The following NPLOC4 variants were observed in gnomAD, a reference collection of about 807,000 sequenced individuals.
NPLOC4 encodes nuclear protein localization protein 4 homolog.
In NPLOC4, 18 loss-of-function variants were observed where a neutral mutation model predicts 80.6. The observed-to-expected ratio is 0.22, with a 90% CI of 0.15 to 0.33. The LOEUF (loss-of-function observed/expected upper bound fraction) is 0.33, where lower values mean the gene tolerates loss of function less well. Ranked by LOEUF, NPLOC4 falls within the 10% of genes least tolerant of loss-of-function variation. The pLI is 1.00. For missense variants in NPLOC4, 540 were observed against 786.1 expected, an observed-to-expected ratio of 0.69 and a Z score of 3.74; for synonymous variants, 313 against 301.5, an observed-to-expected ratio of 1.04 and a Z score of -0.39.
In NPLOC4 at chr17:81,636,911, C is replaced by A; in HGVS notation, c.15+5G>T. 7.1e-7 allele frequency: 1 copy of A among 1,406,366 alleles called. No homozygotes were observed. Among genetic ancestry groups the A allele is most frequent in the South Asian group, 1.5e-5 (1 of 65,690 alleles). 87.1% of individuals were successfully genotyped at this position (1,406,366 alleles called of 1,614,324 possible). A position where few individuals can be genotyped will look rare whatever the true frequency, so the allele number is the denominator to read the frequency against. ...TCCCCGCTCCCGCCCGGCCGCCGCA[C>A]TCACGATGCTCTCGGCCATGGCGGC... On this transcript the variant is annotated splice_donor_5th_base_variant and intron_variant, in intron 1 of 16. Coordinates refer to ENST00000331134, the MANE Select transcript of NPLOC4 (RefSeq NM_017921.4).
intron 8 of NPLOC4, 23 bp from the exon 9 acceptor site, chr17:81,600,450 G>A: frequency 1.9e-6 from 3 of 1,585,044 alleles, no homozygotes; most frequent in Non-Finnish European, 2.6e-6. Context: ...AAAGGGAGAA[G>A]ATGGACTTAG....
intron 9 of NPLOC4, among the ~76,000 whole-genome samples, chr17:81,597,956 G>C (rs1386392604): frequency 1.3e-5 from 2 of 151,032 alleles, no homozygotes; most frequent in Non-Finnish European, 3.0e-5. Context: ...TTAGCCGGGC[G>C]TGGTGGCGGG....
At chr17:81,620,738 G>T (rs367982123) in intron 3 of NPLOC4, among the ~76,000 whole-genome samples, 1 of 152,114 alleles carries the variant, frequency 6.6e-6, no homozygotes, top group Admixed American at 6.6e-5. Context: ...CAAGAGCAGC[G>T]GGACAAGCGT....
intron 12 of NPLOC4, among the ~76,000 whole-genome samples, chr17:81,581,862 C>T (rs112556803): frequency 2.9e-4 from 44 of 152,298 alleles, no homozygotes; most frequent in Middle Eastern, 3.4e-3. Context: ...AAGAGCATCC[C>T]GAAAGCAGAG....
chr17:81,635,961 G>A (rs1598703503), intron 1 of NPLOC4, among the ~76,000 whole-genome samples: 1 of 151,888 alleles, frequency 6.6e-6, no homozygotes, highest in African/African-American at 2.4e-5. Flanking sequence ...ACGTTAAGGA[G>A]GAGTGTGTGA....
Position 81,626,044 on chromosome 17 carries a change from G to T in NPLOC4, c.96+3681C>A, listed in dbSNP as rs373652080. 4.6e-5 allele frequency among the ~76,000 whole-genome samples: 7 copies of T among 151,968 alleles called. No homozygotes were observed. The South Asian group carries it at 1.5e-3, about 32-fold the overall frequency. On this transcript the variant is annotated intron_variant, in intron 2 of 16. Coordinates refer to ENST00000331134, the MANE Select transcript of NPLOC4 (RefSeq NM_017921.4). ...CACCCCTGTAATCCCAGCTACTCAGGAGGCTGAAACAGGAGAATCGCTTGA... is the reference window on the plus strand; with the variant it reads ...CACCCCTGTAATCCCAGCTACTCAGTAGGCTGAAACAGGAGAATCGCTTGA...
At chr17:81,619,553 G>GA (rs34176297) in intron 3 of NPLOC4, among the ~76,000 whole-genome samples, 56,873 of 106,664 alleles carry the variant, frequency 0.53, 13,466 homozygotes, top group East Asian at 0.79. Flanking sequence ...TCTGTCTCAA[G>GA]AAAAAAAAAA....
chr17:81,630,408 C>T (rs910528324), intron 1 of NPLOC4, among the ~76,000 whole-genome samples: 2 of 152,074 alleles, frequency 1.3e-5, no homozygotes, highest in African/African-American at 4.8e-5. Flanking sequence ...TGACCTCAGC[C>T]TCCCGAGAGC....
At position 81,567,361 on chromosome 17, in the gene NPLOC4, G is replaced by A. The variant is rs956104587; in HGVS notation, c.1566+56C>T. 2.3e-5 allele frequency: 24 copies of A among 1,044,750 alleles called. No homozygotes were observed. The highest frequency in any genetic ancestry group is 6.6e-5 in the South Asian group (5 of 75,216). 64.7% of individuals were successfully genotyped at this position (1,044,750 alleles called of 1,614,324 possible). ...GGAGGAAAGAAAGCAAGACACAGGC[G>A]TCTCTTTGCAGCCAAAGCCCACTTG... On this transcript the variant is annotated intron_variant, in intron 15 of 16. Coordinates refer to ENST00000331134, the MANE Select transcript of NPLOC4 (RefSeq NM_017921.4). This position sits in a 1 kb window ranked among gnomAD's most constrained non-coding sequence, Gnocchi z 4.5.
intron 4 of NPLOC4, chr17:81,612,982 C>T (rs563257000): frequency 2.1e-5 from 4 of 191,812 alleles, no homozygotes; most frequent in South Asian, 2.3e-4. Flanking sequence ...CCACTCTGCA[C>T]GGGAATCAGC....
At chr17:81,620,138 A>G (rs1472442701) in intron 3 of NPLOC4, among the ~76,000 whole-genome samples, 2 of 152,222 alleles carry the variant, frequency 1.3e-5, no homozygotes, top group Non-Finnish European at 2.9e-5. Context: ...ACAAGAAGTA[A>G]GACATACAAA....
rs534209020 is a variant in NPLOC4, at chr17:81,627,756, G to A, written c.96+1969C>T. ...ACACTCCAGCCTGGGCAACAAGAGC[G>A]AAACTCTGTCTCAAAAAACAAAAAC... On this transcript the variant is annotated intron_variant, in intron 2 of 16. Coordinates refer to ENST00000331134, the MANE Select transcript of NPLOC4 (RefSeq NM_017921.4). Among the ~76,000 whole-genome samples, 7 of 151,440 alleles carry A rather than the reference G, an allele frequency of 4.6e-5. No individual in the cohort carries two copies. In the Middle Eastern group the frequency reaches 0.01, roughly 221 times the overall value.
At chr17:81,593,365 C>T (rs1415660954) in intron 11 of NPLOC4, among the ~76,000 whole-genome samples, 1 of 152,080 alleles carries the variant, frequency 6.6e-6, no homozygotes, top group Non-Finnish European at 1.5e-5. Flanking sequence ...CTTGCCCACA[C>T]AGGCCAGTAC....
intron 1 of NPLOC4, among the ~76,000 whole-genome samples, chr17:81,632,596 G>A (rs1453685194): frequency 6.6e-6 from 1 of 152,076 alleles, no homozygotes; most frequent in East Asian, 1.9e-4. Flanking sequence ...TTACAGGTGT[G>A]CACCACCACA....
At chr17:81,608,372 G>T (rs7406756) in intron 6 of NPLOC4, among the ~76,000 whole-genome samples, 2 of 152,178 alleles carry the variant, frequency 1.3e-5, no homozygotes, top group African/African-American at 2.4e-5. Flanking sequence ...CTGTGGCCAC[G>T]CAGCCAGGCG....
At chr17:81,611,671 T>A (rs545670336) in intron 4 of NPLOC4, among the ~76,000 whole-genome samples, 1 of 151,784 alleles carries the variant, frequency 6.6e-6, no homozygotes, top group South Asian at 2.1e-4. Context: ...AAGAAAAGTG[T>A]TAAATAGGCC....
Position 81,596,166 on chromosome 17 carries a change from A to G in NPLOC4, c.1070T>C (p.Leu357Pro). 1.2e-6 allele frequency: 2 copies of G among 1,613,992 alleles called. No individual in the cohort carries two copies. Among genetic ancestry groups the G allele is most frequent in the Non-Finnish European group, 1.7e-6 (2 of 1,179,894 alleles). Residue 357 changes from leucine (L) to proline (P), a missense_variant, in exon 11 of 17, where the codon CTC becomes CCC. Physicochemically the swap from Leu to Pro is moderately conservative, Grantham distance 98. Coordinates refer to ENST00000331134, the MANE Select transcript of NPLOC4 (RefSeq NM_017921.4). ...FQNKHPNMCR[L>P]SPDGHFGSKF... Reference sequence around the variant, plus strand: ...GGATCCAAAATGTCCGTCTGGAGAGAGCCGGCACATGTTGGGATGCTTGTT... The same window carrying G: ...GGATCCAAAATGTCCGTCTGGAGAGGGCCGGCACATGTTGGGATGCTTGTT...
Position 81,559,345 on chromosome 17 carries a change from C to T in NPLOC4, c.1741G>A (p.Ala581Thr). Residue 581 changes from alanine to threonine, a missense_variant, in exon 17 of 17, where the codon GCA (alanine) becomes ACA (threonine). Physicochemically the swap from Ala to Thr is moderately conservative, Grantham distance 58. Around this residue, in one of 6 missense-constraint regions of NPLOC4, gnomAD observed 87 missense variants for 70.3 expected, o/e 1.24. Coordinates refer to ENST00000331134, the MANE Select transcript of NPLOC4 (RefSeq NM_017921.4). ...CAGTGCTGACAGGCCCACATGGCTG[C>T]AGTGGCCGTGTGTGTGGAGCCCCCG... ...AVGGSTHTAT[A>T]AMWACQHCTF... 6.2e-7 allele frequency: 1 copy of T among 1,607,182 alleles called. No homozygotes were observed. Among genetic ancestry groups the T allele is most frequent in the African/African-American group, 1.3e-5 (1 of 74,984 alleles).
chr17:81,603,245 C>A (rs1366306969), intron 8 of NPLOC4, among the ~76,000 whole-genome samples: 2 of 152,138 alleles, frequency 1.3e-5, no homozygotes, highest in African/African-American at 4.8e-5. Context: ...AATGAATATA[C>A]CTTGTTTGTA....
Sources: allele counts gnomAD v4.1 joint callset (sites outside exome capture counted in the v4.1 genomes callset), GRCh38; gene constraint gnomAD v4.1.1; regional missense constraint gnomAD v4.1.1; non-coding constraint Gnocchi (gnomAD v3.1); transcripts MANE v1.5; gene names NCBI Gene and HGNC (gene_info 2026-07-23, HGNC 2026-07-21).